The following VAMP7 variants were observed in gnomAD, a reference collection of about 807,000 sequenced individuals.
The protein encoded by VAMP7 is vesicle-associated membrane protein 7.
In VAMP7, 14 loss-of-function variants were observed where a neutral mutation model predicts 29.6. The observed-to-expected ratio is 0.47, with a 90% CI of 0.31 to 0.74. The LOEUF is 0.74. VAMP7 is among the 30% of genes least tolerant of loss of function. The pLI is 0.05. For synonymous variants in VAMP7, 95 were observed against 88.1 expected, an observed-to-expected ratio of 1.08 and a Z score of -0.44; for missense variants, 223 against 262.4, an observed-to-expected ratio of 0.85 and a Z score of 1.04.
intron 6 of VAMP7, among the ~76,000 whole-genome samples, chrX:155,931,291 C>T (rs1050577982): frequency 6.6e-6 from 1 of 152,236 alleles, no homozygotes; most frequent in African/African-American, 2.4e-5. Flanking sequence ...GCCACACTGT[C>T]TTTCACAGTG....
intron 6 of VAMP7, among the ~76,000 whole-genome samples, chrX:155,932,118 G>A (rs1179036312): frequency 6.6e-6 from 1 of 152,162 alleles, no homozygotes; most frequent in Non-Finnish European, 1.5e-5. Context: ...TAGCCTTGCA[G>A]TATAGTTTGA....
intron 5 of VAMP7, among the ~76,000 whole-genome samples, chrX:155,913,722 A>G (rs1413480983): frequency 2.0e-5 from 3 of 151,976 alleles, no homozygotes; most frequent in Non-Finnish European, 4.4e-5. Context: ...GTTCTGTTCC[A>G]TTGGTCTATG....
intron 1 of VAMP7, among the ~76,000 whole-genome samples, chrX:155,887,942 A>AG (rs1297925196): frequency 6.6e-6 from 1 of 151,578 alleles, no homozygotes; most frequent in Non-Finnish European, 1.5e-5. Context: ...TGTCTCAAAA[A>AG]AAAAAAAAAA....
intron 6 of VAMP7, among the ~76,000 whole-genome samples, chrX:155,934,632 G>A (rs991323771): frequency 6.6e-6 from 1 of 152,126 alleles, no homozygotes; most frequent in Non-Finnish European, 1.5e-5. Context: ...ACAGCACACT[G>A]ATGGGTCTTT....
At chrX:155,902,138 T>C (rs913921775) in intron 5 of VAMP7, among the ~76,000 whole-genome samples, 2 of 152,148 alleles carry the variant, frequency 1.3e-5, no homozygotes, top group African/African-American at 2.4e-5. Flanking sequence ...GAAGCAACTG[T>C]GAATGGGAGT....
At chrX:155,934,453 A>G (rs1324781748) in intron 6 of VAMP7, among the ~76,000 whole-genome samples, 2 of 152,192 alleles carry the variant, frequency 1.3e-5, no homozygotes, top group African/African-American at 4.8e-5. Flanking sequence ...ACCATTATGT[A>G]ATGGCCTTCT....
chrX:155,934,167 G>T (rs979522600), intron 6 of VAMP7, among the ~76,000 whole-genome samples: 1 of 152,186 alleles, frequency 6.6e-6, no homozygotes, highest in African/African-American at 2.4e-5. Flanking sequence ...TGAGAAGAAT[G>T]TATATTCTGT....
chrX:155,889,726 C>T, intron 2 of VAMP7, 114 bp downstream of exon 2: 3 of 1,245,306 alleles, frequency 2.4e-6, no homozygotes, highest in Admixed American at 5.2e-5. Flanking sequence ...AATAAGCTGA[C>T]AGAATAGTAA....
In VAMP7 at chrX:155,926,000, G is replaced by T. The variant is rs1161618959; in HGVS notation, c.501+6120G>T. Among the ~76,000 whole-genome samples the T allele has an allele frequency of 2.6e-5, 4 of 151,936 alleles. No individual in the cohort carries two copies. In the South Asian group the frequency reaches 6.2e-4, roughly 24 times the overall value. On this transcript the variant is annotated intron_variant, in intron 6 of 7. Transcript: ENST00000286448. ...GAAAGGAATCTTTTCTTTTTGAGCA[G>T]CAGATCTCCACAGATCTTCTGTACA...
intron 1 of VAMP7, among the ~76,000 whole-genome samples, chrX:155,887,937 C>CA (rs771113450): frequency 0.3 from 29,769 of 98,336 alleles, 3,935 homozygotes; most frequent in South Asian, 0.43. Flanking sequence ...GACCCTGTCT[C>CA]AAAAAAAAAA....
At chrX:155,901,345 T>C (rs2066058988) in intron 5 of VAMP7, among the ~76,000 whole-genome samples, 1 of 151,288 alleles carries the variant, frequency 6.6e-6, no homozygotes, top group Non-Finnish European at 1.5e-5. Flanking sequence ...AGACAACTAC[T>C]ATTTATTTTT....
chrX:155,940,087 TTTA>T (rs1312999944), intron 7 of VAMP7, among the ~76,000 whole-genome samples: 14 of 152,022 alleles, frequency 9.2e-5, no homozygotes, highest in Non-Finnish European at 1.6e-4. Context: ...ATGTAATGGG[TTTA>T]TTGTTTTTAT....
rs190677491 is a variant in VAMP7 at position 155,895,366 on chromosome X, G to A, written c.147-257G>A. Among the ~76,000 whole-genome samples, 314 of 152,282 alleles carry A rather than the reference G, an allele frequency of 2.1e-3. 1 individual carries two copies. The highest frequency in any genetic ancestry group is 7.1e-3 in the South Asian group (34 of 4,814). On this transcript the variant is annotated intron_variant, in intron 2 of 7. Coordinates refer to ENST00000286448, the MANE Select transcript of VAMP7 (RefSeq NM_005638.6). ...TTAAGAGTCCAATTATGCTTTTGCA[G>A]CTATCGTTCTAATGGGTAATACACA...
chrX:155,920,026 A>T, intron 6 of VAMP7, 146 bp downstream of exon 6: 17 of 688,384 alleles, frequency 2.5e-5, no homozygotes. Context: ...ACTTTGTAAT[A>T]ATGAGGATAA....
At chrX:155,931,578 ATTTG>A (rs1162818100) in intron 6 of VAMP7, among the ~76,000 whole-genome samples, 2 of 152,072 alleles carry the variant, frequency 1.3e-5, no homozygotes, top group Non-Finnish European at 2.9e-5. Flanking sequence ...TTTCTTATAA[ATTTG>A]TTTGAGTTCT....
chrX:155,911,697 A>G (rs1482122997), intron 5 of VAMP7, among the ~76,000 whole-genome samples: 2 of 152,008 alleles, frequency 1.3e-5, no homozygotes. Context: ...TCAATATTTT[A>G]TATGTTCATA....
intron 5 of VAMP7, among the ~76,000 whole-genome samples, chrX:155,911,163 GT>G (rs2066232010): frequency 6.6e-6 from 1 of 152,146 alleles, no homozygotes; most frequent in Non-Finnish European, 1.5e-5. Context: ...TGGATATCCA[GT>G]TTTCCCAATA....
At chrX:155,906,455 G>C (rs1481227674) in intron 5 of VAMP7, among the ~76,000 whole-genome samples, 1 of 152,060 alleles carries the variant, frequency 6.6e-6, no homozygotes, top group Non-Finnish European at 1.5e-5. Context: ...TGATAGCCTT[G>C]ACCCCTATTG....
chrX:155,924,805 C>T (rs181688496), intron 6 of VAMP7, among the ~76,000 whole-genome samples: 142 of 152,308 alleles, frequency 9.3e-4, no homozygotes, highest in Non-Finnish European at 4.0e-4. Flanking sequence ...TTCTCTGTAG[C>T]ATGTGTTGCT....
Sources: gnomAD v4.1 joint callset for allele counts (sites outside exome capture counted in the v4.1 genomes callset) on GRCh38, gnomAD v4.1.1 for gene constraint, MANE v1.5 for transcripts, NCBI Gene and HGNC (gene_info 2026-07-23, HGNC 2026-07-21) for gene names.